BLTP3A: variants seen among roughly 807,000 people sequenced by gnomAD.
The protein encoded by BLTP3A is ICBP90 binding protein 1.
the BLTP3A span, chr6:34,859,218 G>A: frequency 6.2e-7 from 1 of 1,614,102 alleles, no homozygotes; most frequent in Non-Finnish European, 8.5e-7. Context: ...ATGGAGAACT[G>A]CAGGACTCAG....
chr6:34,864,512 T>C, the BLTP3A span, among the ~76,000 whole-genome samples: 1 of 145,658 alleles, frequency 6.9e-6, no homozygotes, highest in Non-Finnish European at 1.5e-5. Flanking sequence ...GGTGTGAGTG[T>C]GCTTATAGTC....
chr6:34,815,241 GTGTTTGTT>G, the BLTP3A span, among the ~76,000 whole-genome samples: 1 of 151,398 alleles, frequency 6.6e-6, no homozygotes, highest in Non-Finnish European at 1.5e-5. Context: ...AAATAAGTTG[GTGTTTGTT>G]TGTTTGTTTG....
At chr6:34,805,759 A>T in the BLTP3A span, among the ~76,000 whole-genome samples, 1 of 146,070 alleles carries the variant, frequency 6.8e-6, no homozygotes, top group African/African-American at 2.6e-5. Flanking sequence ...AAAAAAAAAA[A>T]AGTATAAAGT....
chr6:34,792,373 C>G, the BLTP3A span: 40 of 1,370,144 alleles, frequency 2.9e-5, no homozygotes, highest in East Asian at 1.1e-3. Flanking sequence ...CGCCGCGCTC[C>G]GGGCCCAGTC....
the BLTP3A span, among the ~76,000 whole-genome samples, chr6:34,819,156 C>CTT: frequency 7.0e-5 from 10 of 142,952 alleles, no homozygotes; most frequent in South Asian, 4.5e-4. Context: ...TTTTTTTTTA[C>CTT]TTTTTTTTTT....
the BLTP3A span, chr6:34,857,891 A>T: frequency 6.2e-7 from 1 of 1,613,900 alleles, no homozygotes; most frequent in Non-Finnish European, 8.5e-7. Flanking sequence ...ACACTTGGAC[A>T]TCCGACTAGA....
the BLTP3A span, chr6:34,821,777 G>A: frequency 6.2e-7 from 1 of 1,614,172 alleles, no homozygotes; most frequent in South Asian, 1.1e-5. Context: ...CACCTGGTTA[G>A]CCATCACTCG....
At chr6:34,857,944 CCT>C in the BLTP3A span, 2,639 of 1,602,450 alleles carry the variant, frequency 1.6e-3, 44 homozygotes, top group South Asian at 0.018. Context: ...ACTTTTATCC[CCT>C]GTTAGTAGCC....
chr6:34,842,396 T>TA, the BLTP3A span, among the ~76,000 whole-genome samples: 4 of 152,214 alleles, frequency 2.6e-5, no homozygotes. Flanking sequence ...TTGTTTCCCT[T>TA]AAAAGAAACC....
At chr6:34,792,133 G>GGCGGCGGCTGTGTCCGGTGCTCACGCC in the BLTP3A span, 3 of 901,544 alleles carry the variant, frequency 3.3e-6, no homozygotes, top group African/African-American at 1.8e-5. Context: ...CCATGGCGGC[G>GGCGGCGGCTGTGTCCGGTGCTCACGCC]GCGGCGGCTG....
chr6:34,822,055 G>C, the BLTP3A span: 1 of 1,437,588 alleles, frequency 7.0e-7, no homozygotes, highest in Non-Finnish European at 9.7e-7. Context: ...TTTAGGAATG[G>C]TGGGTGTCTC....
chr6:34,836,592 C>G, the BLTP3A span, among the ~76,000 whole-genome samples: 1 of 152,160 alleles, frequency 6.6e-6, no homozygotes, highest in African/African-American at 2.4e-5. Context: ...GATGTTGGGC[C>G]TCTCCCCAAA....
chr6:34,792,656 C>T, the BLTP3A span, among the ~76,000 whole-genome samples: 1 of 152,178 alleles, frequency 6.6e-6, no homozygotes, highest in African/African-American at 2.4e-5. Context: ...ACCGTCTTTC[C>T]GAGGCCCCCA....
the BLTP3A span, among the ~76,000 whole-genome samples, chr6:34,817,680 G>C: frequency 6.6e-6 from 1 of 152,116 alleles, no homozygotes; most frequent in Non-Finnish European, 1.5e-5. Context: ...ACTGAGCTTG[G>C]GGAATCCATT....
At chr6:34,812,095 A>G in the BLTP3A span, among the ~76,000 whole-genome samples, 1 of 151,192 alleles carries the variant, frequency 6.6e-6, no homozygotes, top group African/African-American at 2.4e-5. Flanking sequence ...TTGGGAGTCC[A>G]AGGTGGGAGG....
chr6:34,800,491 G>A, the BLTP3A span, among the ~76,000 whole-genome samples: 1 of 152,146 alleles, frequency 6.6e-6, no homozygotes, highest in Non-Finnish European at 1.5e-5. Flanking sequence ...GAGTAATGGG[G>A]GTTGTAGGGA....
At chr6:34,861,564 T>G in the BLTP3A span, among the ~76,000 whole-genome samples, 1 of 152,212 alleles carries the variant, frequency 6.6e-6, no homozygotes. Flanking sequence ...TTGGGTGTAT[T>G]TTCTTCCAAT....
At chr6:34,840,381 C>T in the BLTP3A span, among the ~76,000 whole-genome samples, 9 of 140,784 alleles carry the variant, frequency 6.4e-5, no homozygotes, top group East Asian at 2.1e-4. Context: ...GGTGAAACCC[C>T]GTCTCTACTT....
At chr6:34,833,026 C>T in the BLTP3A span, among the ~76,000 whole-genome samples, 1 of 152,088 alleles carries the variant, frequency 6.6e-6, no homozygotes, top group Non-Finnish European at 1.5e-5. Context: ...TCCTTCATTC[C>T]TCTCCTTTTG....
Sources: gnomAD v4.1 joint callset for allele counts (sites outside exome capture counted in the v4.1 genomes callset) on GRCh38, gnomAD v4.1.1 for gene constraint, MANE v1.5 for transcripts, NCBI Gene and HGNC (gene_info 2026-07-23, HGNC 2026-07-21) for gene names.